The following TSHZ2 variants were observed in gnomAD, a reference collection of about 807,000 sequenced individuals.
The protein encoded by TSHZ2 is teashirt zinc finger homeobox 2.
Under a neutral mutation model 74.4 loss-of-function variants are expected in TSHZ2, and 21 were observed. That is an observed-to-expected ratio of 0.28 (90% confidence interval 0.20 to 0.41). The LOEUF (loss-of-function observed/expected upper bound fraction) is 0.41, where lower values mean the gene tolerates loss of function less well. Among genes scored for constraint, TSHZ2 ranks in the 10% least tolerant of loss-of-function variants. The pLI, the probability that TSHZ2 is intolerant of heterozygous loss-of-function variation, is 1.00. For synonymous variants in TSHZ2, 540 were observed against 515.3 expected, an observed-to-expected ratio of 1.05 and a Z score of -0.65; for missense variants, 1,244 against 1,293.5, an observed-to-expected ratio of 0.96 and a Z score of 0.59.
chr20:53,414,339 G>T (rs1983160522), intron 2 of TSHZ2, among the ~76,000 whole-genome samples: 1 of 151,874 alleles, frequency 6.6e-6, no homozygotes, highest in Admixed American at 6.6e-5. Flanking sequence ...GCCAGTACTG[G>T]CTCAACATAG....
chr20:53,343,110 G>T (rs1980285520), intron 2 of TSHZ2, among the ~76,000 whole-genome samples: 1 of 151,774 alleles, frequency 6.6e-6, no homozygotes, highest in South Asian at 2.1e-4. Flanking sequence ...GGGATTACAG[G>T]CGTGTGCCAC....
chr20:53,034,622 T>G (rs1983754778), intron 1 of TSHZ2, among the ~76,000 whole-genome samples: 1 of 152,190 alleles, frequency 6.6e-6, no homozygotes, highest in African/African-American at 2.4e-5. Flanking sequence ...AAAAGCTCCT[T>G]TGAGGAAGGA....
chr20:53,037,392 G>A (rs1424739509), intron 1 of TSHZ2, among the ~76,000 whole-genome samples: 1 of 152,176 alleles, frequency 6.6e-6, no homozygotes, highest in African/African-American at 2.4e-5. Context: ...GTTTTCTCCT[G>A]CGACTTAAAA....
intron 2 of TSHZ2, among the ~76,000 whole-genome samples, chr20:53,376,106 C>T (rs765485793): frequency 3.9e-5 from 6 of 152,252 alleles, no homozygotes; most frequent in South Asian, 2.1e-4. Flanking sequence ...AGAAGTTAGC[C>T]AAGTGAGAAG....
At chr20:53,176,583 T>C (rs1263667007) in intron 1 of TSHZ2, among the ~76,000 whole-genome samples, 1 of 152,188 alleles carries the variant, frequency 6.6e-6, no homozygotes, top group Non-Finnish European at 1.5e-5. Context: ...AACTCCCTAA[T>C]TATTTCACAG....
At chr20:53,168,281 A>T (rs1184581496) in intron 1 of TSHZ2, among the ~76,000 whole-genome samples, 1 of 152,166 alleles carries the variant, frequency 6.6e-6, no homozygotes, top group Non-Finnish European at 1.5e-5. Flanking sequence ...ACCTCACCCC[A>T]GGCTGTGACA....
chr20:53,003,260 G>GTGTA (rs1385232803), intron 1 of TSHZ2, among the ~76,000 whole-genome samples: 2 of 79,794 alleles, frequency 2.5e-5, no homozygotes, highest in African/African-American at 7.4e-5. Context: ...GGGATGGTGT[G>GTGTA]TGTGTGTGTG....
intron 1 of TSHZ2, among the ~76,000 whole-genome samples, chr20:53,141,768 C>G (rs186544670): frequency 1.3e-5 from 2 of 152,356 alleles, no homozygotes; most frequent in African/African-American, 4.8e-5. Flanking sequence ...GTGCCTTGCA[C>G]TTATTCATTT....
At chr20:53,067,253 T>C (rs894082014) in intron 1 of TSHZ2, among the ~76,000 whole-genome samples, 5 of 152,216 alleles carry the variant, frequency 3.3e-5, no homozygotes, top group African/African-American at 1.2e-4. Flanking sequence ...TCACATCCTA[T>C]TCTGCCACAT....
intron 1 of TSHZ2, among the ~76,000 whole-genome samples, chr20:53,088,214 A>C (rs942178664): frequency 1.1e-4 from 17 of 152,144 alleles, no homozygotes; most frequent in African/African-American, 3.9e-4. Context: ...TCATTTAGTA[A>C]GTTTTTGTTG....
chr20:53,273,223 G>A (rs933871292), intron 2 of TSHZ2, among the ~76,000 whole-genome samples: 4 of 152,198 alleles, frequency 2.6e-5, no homozygotes, highest in Admixed American at 1.3e-4. Flanking sequence ...ATAAAAGAAC[G>A]TTGGATTTGT....
chr20:53,284,356 A>C (rs1228739302), intron 2 of TSHZ2, among the ~76,000 whole-genome samples: 1 of 152,260 alleles, frequency 6.6e-6, no homozygotes, highest in African/African-American at 2.4e-5. Flanking sequence ...CAAATTATGC[A>C]CATAAATATG....
intron 1 of TSHZ2, among the ~76,000 whole-genome samples, chr20:53,124,834 G>A (rs1464653756): frequency 6.6e-6 from 1 of 152,194 alleles, no homozygotes; most frequent in Non-Finnish European, 1.5e-5. Flanking sequence ...CAGCCAGGGA[G>A]TGGGCATAAC....
At chr20:53,203,361 A>G (rs1989056946) in intron 1 of TSHZ2, among the ~76,000 whole-genome samples, 1 of 151,876 alleles carries the variant, frequency 6.6e-6, no homozygotes, top group South Asian at 2.1e-4. Context: ...TACCTGGCTA[A>G]TTTTTGTATT....
At chr20:53,011,983 G>T (rs1328233388) in intron 1 of TSHZ2, among the ~76,000 whole-genome samples, 2 of 152,192 alleles carry the variant, frequency 1.3e-5, no homozygotes, top group African/African-American at 2.4e-5. Flanking sequence ...GGGAAGCACA[G>T]AGAATTGAGA....
chr20:53,271,235 C>G (rs1245504929), intron 2 of TSHZ2, among the ~76,000 whole-genome samples: 1 of 152,162 alleles, frequency 6.6e-6, no homozygotes, highest in African/African-American at 2.4e-5. Context: ...TGGAGTCTGG[C>G]CCCAGGGCTG....
At position 53,237,504 on chromosome 20, in the gene TSHZ2, A is replaced by AGTGTGTGTGTGT. The variant is rs59294548; in HGVS notation, c.41-15983_41-15972dup. The stretch of plus-strand genomic sequence containing the variant: ...CTCTGTCTCTCTCTTTCTCTGTGTG[A>AGTGTGTGTGTGT]GTGTGTGTGTGTGTGTGTGTGTGCG... On this transcript the variant is annotated intron_variant, in intron 1 of 2. Transcript: ENST00000371497. Among the ~76,000 whole-genome samples, 13 of 149,706 alleles carry AGTGTGTGTGTGT rather than the reference A, an allele frequency of 8.7e-5. 1 individual carries two copies. Among genetic ancestry groups the AGTGTGTGTGTGT allele is most frequent in the African/African-American group, 3.2e-4 (13 of 40,924 alleles).
At chr20:53,222,116 T>C (rs780761330) in intron 1 of TSHZ2, among the ~76,000 whole-genome samples, 6 of 152,188 alleles carry the variant, frequency 3.9e-5, no homozygotes, top group Non-Finnish European at 8.8e-5. Context: ...AAAAAGAGGA[T>C]AGAGACCATT....
intron 1 of TSHZ2, among the ~76,000 whole-genome samples, chr20:53,002,748 A>T (rs1338377796): frequency 6.6e-6 from 1 of 152,184 alleles, no homozygotes; most frequent in African/African-American, 2.4e-5. Flanking sequence ...AGTATTTGGG[A>T]CCTACGGGCA....
Sources: gnomAD v4.1 joint callset for allele counts (sites outside exome capture counted in the v4.1 genomes callset) on GRCh38, gnomAD v4.1.1 for gene constraint, MANE v1.5 for transcripts, NCBI Gene and HGNC (gene_info 2026-07-23, HGNC 2026-07-21) for gene names.